Variants in ST6GAL1 observed in about 807,000 individuals in gnomAD.
ST6GAL1 encodes the protein ST6 beta-galactoside alpha-2,6-sialyltransferase 1, also known as beta-galactoside alpha-2,6-sialyltransferase 1.
A neutral mutation model predicts 38.0 loss-of-function variants in ST6GAL1; 20 were observed. The ratio of observed to expected loss-of-function variants is 0.53; its 90% CI spans 0.37 to 0.77. The LOEUF (loss-of-function observed/expected upper bound fraction) is 0.77, where lower values mean the gene tolerates loss of function less well. Among genes scored for constraint, ST6GAL1 ranks in the 30% least tolerant of loss-of-function variants. The pLI, the probability that ST6GAL1 is intolerant of heterozygous loss-of-function variation, is 0.00. For synonymous variants in ST6GAL1, 196 were observed against 188.2 expected (o/e 1.04, Z -0.34); for missense variants, 432 against 496.4 (o/e 0.87, Z 1.23).
chr3:186,972,226 A>C (rs909014605), intron 2 of ST6GAL1, among the ~76,000 whole-genome samples: 1 of 151,792 alleles, frequency 6.6e-6, no homozygotes, highest in East Asian at 1.9e-4. Flanking sequence ...TCATTATGCT[A>C]TGCTACCTGC....
chr3:187,027,181 A>G (rs1717569395), intron 2 of ST6GAL1, among the ~76,000 whole-genome samples: 2 of 152,248 alleles, frequency 1.3e-5, no homozygotes, highest in South Asian at 2.1e-4. Context: ...GTATTGATCT[A>G]ACAGGCATAA....
chr3:187,037,615 C>G (rs137942768), intron 2 of ST6GAL1, among the ~76,000 whole-genome samples: 2 of 152,282 alleles, frequency 1.3e-5, no homozygotes. Context: ...CAGGTTCACT[C>G]TGTCACCTAG....
At chr3:186,935,255 T>G (rs1713908811) in intron 1 of ST6GAL1, among the ~76,000 whole-genome samples, 1 of 152,100 alleles carries the variant, frequency 6.6e-6, no homozygotes, top group Non-Finnish European at 1.5e-5. Context: ...TAAGAACATG[T>G]GGTATTGATT....
In ST6GAL1 at chr3:187,073,280, C is replaced by T. The variant is rs187500228; in HGVS notation, c.804+333C>T. ...ATCAGCAGAACTCGAGAGTAGTTGC[C>T]GTTACTCCTGTAAATAATATTAGCA... On this transcript the variant is annotated intron_variant, in intron 6 of 7. Coordinates refer to ENST00000169298, the MANE Select transcript of ST6GAL1 (RefSeq NM_173216.2). 94 of 236,104 alleles carry T rather than the reference C, an allele frequency of 4.0e-4. 1 individual carries two copies. In the East Asian group the frequency reaches 9.3e-3, roughly 23 times the overall value. The allele number at this position is 236,104 out of a possible 1,614,324, so 14.6% of individuals were successfully genotyped here. A position where few individuals can be genotyped will look rare whatever the true frequency, so the allele number is the denominator to read the frequency against.
At chr3:187,037,615 CTG>C (rs1717974660) in intron 2 of ST6GAL1, among the ~76,000 whole-genome samples, 1 of 152,164 alleles carries the variant, frequency 6.6e-6, no homozygotes, top group Non-Finnish European at 1.5e-5. Context: ...CAGGTTCACT[CTG>C]TCACCTAGGC....
intron 2 of ST6GAL1, among the ~76,000 whole-genome samples, chr3:186,971,493 C>T (rs1023086617): frequency 1.3e-4 from 20 of 152,274 alleles, no homozygotes; most frequent in African/African-American, 4.8e-4. Context: ...TTTCTGCTCC[C>T]CCAGTCTGGC....
rs1293260493 is a variant in ST6GAL1 at position 187,042,528 on chromosome 3, G to A, written c.-50-126G>A. 7 of 909,820 alleles carry A rather than the reference G, an allele frequency of 7.7e-6. No homozygotes were observed. In the African/African-American group the frequency reaches 1.0e-4, roughly 13 times the overall value. The allele number at this position is 909,820 out of a possible 1,614,324, so 56.4% of individuals were successfully genotyped here. A position where few individuals can be genotyped will look rare whatever the true frequency, so the allele number is the denominator to read the frequency against. ...CTTAACAGGCTGCAGAGGTGGCCAG[G>A]AGGTAGACCAGGGCTGGAATTCAAG... On this transcript the variant is annotated intron_variant, in intron 3 of 7. Transcript: ENST00000169298.
rs528804952 is a variant in ST6GAL1 at position 186,967,602 on chromosome 3, G to T, written c.-183+3676G>T. On this transcript the variant is annotated intron_variant, in intron 2 of 7. Transcript: ENST00000169298. ...CTACTGAGGGACAGGGCTGAGGGGA[G>T]GAGGCAGAGTGGCAGAGGGAGTGAT... is the stretch of plus-strand genomic sequence containing the variant. 2.0e-5 allele frequency among the ~76,000 whole-genome samples: 3 copies of T among 152,318 alleles called. No homozygotes were observed. The East Asian group carries it at 5.8e-4, about 29-fold the overall frequency.
intron 5 of ST6GAL1, among the ~76,000 whole-genome samples, chr3:187,062,147 C>T (rs992751130): frequency 2.0e-5 from 3 of 151,936 alleles, no homozygotes; most frequent in African/African-American, 7.3e-5. Context: ...TAGGGAAATG[C>T]AACCCAAGAA....
At chr3:187,030,044 C>A (rs77890843) in intron 2 of ST6GAL1, among the ~76,000 whole-genome samples, 2 of 152,030 alleles carry the variant, frequency 1.3e-5, no homozygotes, top group South Asian at 2.1e-4. Context: ...AGTGAGTGGC[C>A]GTGGTCACAA....
intron 2 of ST6GAL1, among the ~76,000 whole-genome samples, chr3:187,009,313 A>G (rs1417069193): frequency 6.6e-6 from 1 of 152,164 alleles, no homozygotes; most frequent in African/African-American, 2.4e-5. Context: ...ATGTTTATGG[A>G]TGGAATGATA....
At chr3:187,008,363 A>C (rs1579317411) in intron 2 of ST6GAL1, among the ~76,000 whole-genome samples, 2 of 150,506 alleles carry the variant, frequency 1.3e-5, no homozygotes, top group East Asian at 3.9e-4. Flanking sequence ...GAAAGAAAAA[A>C]GAGAAAAGGA....
chr3:186,984,828 C>CT, intron 2 of ST6GAL1, among the ~76,000 whole-genome samples: 9 of 66,180 alleles, frequency 1.4e-4, no homozygotes, highest in African/African-American at 3.9e-4. Context: ...TCCTTCCTTC[C>CT]CTCCCTCCCT....
intron 5 of ST6GAL1, among the ~76,000 whole-genome samples, chr3:187,051,839 G>A (rs576220075): frequency 1.5e-4 from 23 of 152,182 alleles, no homozygotes; most frequent in South Asian, 1.5e-3. Context: ...TTAGGTTCCC[G>A]GAGTATTTTC....
intron 1 of ST6GAL1, among the ~76,000 whole-genome samples, chr3:186,947,100 T>G (rs1017258963): frequency 3.9e-5 from 6 of 151,960 alleles, no homozygotes; most frequent in African/African-American, 1.5e-4. Flanking sequence ...AGTTTGTTGG[T>G]GGTTCGTGGT....
At chr3:187,014,047 C>T (rs1290474766) in intron 2 of ST6GAL1, among the ~76,000 whole-genome samples, 3 of 152,236 alleles carry the variant, frequency 2.0e-5, no homozygotes, top group East Asian at 1.9e-4. Flanking sequence ...CCCTCCTCCC[C>T]TGCTTCCTGG....
intron 5 of ST6GAL1, among the ~76,000 whole-genome samples, chr3:187,058,828 G>A (rs765941579): frequency 2.0e-5 from 3 of 152,038 alleles, no homozygotes; most frequent in Non-Finnish European, 4.4e-5. Flanking sequence ...CTTTAGTAGA[G>A]ATGGGGTTTC....
chr3:186,959,474 A>G (rs1268829389), intron 1 of ST6GAL1, among the ~76,000 whole-genome samples: 1 of 152,218 alleles, frequency 6.6e-6, no homozygotes, highest in Non-Finnish European at 1.5e-5. Flanking sequence ...GAATAAATGA[A>G]TAACTTAGTA....
chr3:186,996,546 A>T, intron 2 of ST6GAL1: 1 of 152,316 alleles, frequency 6.6e-6, no homozygotes, highest in Middle Eastern at 3.4e-3. Flanking sequence ...CATTTGCTGC[A>T]GGTGGTACTT....
Sources: gnomAD v4.1 joint callset for allele counts (sites outside exome capture counted in the v4.1 genomes callset) on GRCh38, gnomAD v4.1.1 for gene constraint, MANE v1.5 for transcripts, NCBI Gene and HGNC (gene_info 2026-07-23, HGNC 2026-07-21) for gene names.